MAPK6: variants seen among roughly 807,000 people sequenced by gnomAD.
The protein encoded by MAPK6 is ERK-3.
A neutral mutation model predicts 59.3 loss-of-function variants in MAPK6; 19 were observed. That is an observed-to-expected ratio of 0.32 (90% CI 0.22 to 0.47). The LOEUF (loss-of-function observed/expected upper bound fraction) is 0.47. Among genes scored for constraint, MAPK6 ranks in the 20% least tolerant of loss-of-function variants. The pLI is 1.00. For synonymous variants in MAPK6, 316 were observed against 290.3 expected (o/e 1.09, Z -0.90); for missense variants, 724 against 847.9 (o/e 0.85, Z 1.81).
chr15:52,045,199 A>T (rs1475703015), intron 1 of MAPK6, among the ~76,000 whole-genome samples: 2 of 152,166 alleles, frequency 1.3e-5, no homozygotes, highest in African/African-American at 4.8e-5. Flanking sequence ...CTATTGTGTG[A>T]AAGTTTGTTT....
intron 1 of MAPK6, among the ~76,000 whole-genome samples, chr15:51,973,261 T>C (rs2057144074): frequency 6.6e-6 from 1 of 151,976 alleles, no homozygotes; most frequent in Admixed American, 6.6e-5. Flanking sequence ...GAAAACTATC[T>C]GGAATACTGG....
At chr15:52,040,217 G>A (rs2141895252) in intron 1 of MAPK6, among the ~76,000 whole-genome samples, 1 of 152,342 alleles carries the variant, frequency 6.6e-6, no homozygotes, top group South Asian at 2.1e-4. Context: ...CTGTGCCAGG[G>A]TTAGGAGATA....
At chr15:52,007,898 G>A (rs1427995850) in intron 3 of MAPK6, among the ~76,000 whole-genome samples, 8 of 149,612 alleles carry the variant, frequency 5.3e-5, no homozygotes, top group Non-Finnish European at 1.0e-4. Context: ...CCAGGCTGGA[G>A]TGCAATGGTG....
chr15:52,048,118 A>G (rs1203277469), intron 2 of MAPK6, among the ~76,000 whole-genome samples: 2 of 152,048 alleles, frequency 1.3e-5, no homozygotes, highest in East Asian at 1.9e-4. Context: ...ATCTTCATAC[A>G]TGTTGTTTCA....
upstream of MAPK6, among the ~76,000 whole-genome samples, chr15:52,016,219 G>A (rs1306123179): frequency 4.0e-5 from 6 of 150,256 alleles, no homozygotes; most frequent in East Asian, 6.0e-4. Flanking sequence ...GTGAAACCCC[G>A]TCTCTACTAA....
intron 1 of MAPK6, among the ~76,000 whole-genome samples, chr15:52,038,680 A>G (rs185737845): frequency 4.7e-4 from 72 of 152,264 alleles, no homozygotes; most frequent in African/African-American, 1.7e-3. Context: ...CTCCTGTCCT[A>G]TATTTGCTCC....
At chr15:52,062,963 G>T (rs2032263064) in intron 5 of MAPK6, among the ~76,000 whole-genome samples, 1 of 152,268 alleles carries the variant, frequency 6.6e-6, no homozygotes, top group Non-Finnish European at 1.5e-5. Flanking sequence ...ATTTTAAGAA[G>T]AAATTTTTTT....
At chr15:52,057,959 T>C (rs1166634078) in intron 3 of MAPK6, among the ~76,000 whole-genome samples, 2 of 152,214 alleles carry the variant, frequency 1.3e-5, no homozygotes, top group Non-Finnish European at 2.9e-5. Context: ...TATTCTCAAG[T>C]GTCCTGCGCA....
chr15:51,990,196 C>G (rs76332886), intron 2 of MAPK6, among the ~76,000 whole-genome samples: 171 of 152,250 alleles, frequency 1.1e-3, no homozygotes, highest in Middle Eastern at 3.4e-3. Context: ...AAAGTGTTTA[C>G]TGTCTAATGA....
At chr15:52,063,286 C>A (rs1239601298) in intron 5 of MAPK6, among the ~76,000 whole-genome samples, 1 of 152,220 alleles carries the variant, frequency 6.6e-6, no homozygotes, top group Non-Finnish European at 1.5e-5. Context: ...TGGTTTCAAA[C>A]TCCTGACCTC....
chr15:52,062,921 GAAC>G (rs1473050695), intron 5 of MAPK6, among the ~76,000 whole-genome samples: 5 of 152,232 alleles, frequency 3.3e-5, no homozygotes, highest in African/African-American at 1.2e-4. Flanking sequence ...CCAAGTTTGG[GAAC>G]CACTAATGCC....
At chr15:51,973,137 A>G (rs189181841) in intron 1 of MAPK6, among the ~76,000 whole-genome samples, 41 of 151,986 alleles carry the variant, frequency 2.7e-4, no homozygotes, top group African/African-American at 9.9e-4. Flanking sequence ...ATATTTTTGT[A>G]GTAAACTTCA....
chr15:51,977,819 A>G (rs1199596581), intron 1 of MAPK6, among the ~76,000 whole-genome samples: 1 of 151,842 alleles, frequency 6.6e-6, no homozygotes, highest in Non-Finnish European at 1.5e-5. Context: ...TTATAGGAAC[A>G]AGACACCATA....
intron 1 of MAPK6, among the ~76,000 whole-genome samples, chr15:52,035,126 A>T (rs1264103742): frequency 6.6e-6 from 1 of 152,190 alleles, no homozygotes; most frequent in African/African-American, 2.4e-5. Context: ...GATTTTCCTT[A>T]TCTCTTGATT....
intron 2 of MAPK6, among the ~76,000 whole-genome samples, chr15:51,994,011 A>G (rs1322128565): frequency 6.6e-6 from 1 of 151,914 alleles, no homozygotes; most frequent in Non-Finnish European, 1.5e-5. Context: ...CCCAGGCTGG[A>G]GTGCAATGGC....
Position 52,025,427 on chromosome 15 carries a change from A to G in MAPK6, c.-632+6051A>G, listed in dbSNP as rs1481145053. ...TTCTGTGCTATCCAGTGAGGTAGCCATTGGCCATGTGTGACTGTTGAATAC... is the reference window on the plus strand; with the variant it reads ...TTCTGTGCTATCCAGTGAGGTAGCCGTTGGCCATGTGTGACTGTTGAATAC... On this transcript the variant is annotated intron_variant, in intron 1 of 5. Coordinates refer to ENST00000261845, the MANE Select transcript of MAPK6 (RefSeq NM_002748.4). Among the ~76,000 whole-genome samples the G allele has an allele frequency of 2.0e-5, 3 of 152,188 alleles. No homozygotes were observed. The South Asian group carries it at 6.2e-4, about 31-fold the overall frequency.
At chr15:52,016,052 T>TCG (rs376275284), upstream of MAPK6, among the ~76,000 whole-genome samples, 368 of 68,676 alleles carry the variant, frequency 5.4e-3, 5 homozygotes, top group African/African-American at 0.014. Context: ...CCAAACTCCA[T>TCG]CGCGCGCGCG....
At chr15:52,060,103 T>C (rs149799530) in intron 4 of MAPK6, among the ~76,000 whole-genome samples, 2 of 152,266 alleles carry the variant, frequency 1.3e-5, no homozygotes, top group African/African-American at 2.4e-5. Context: ...TTCAGCACCA[T>C]TGTAGCATTC....
In MAPK6 at chr15:52,046,674, C is replaced by G. The variant is rs140290030; in HGVS notation, c.214C>G (p.Leu72Val). 6.9e-5 allele frequency: 112 copies of G among 1,614,008 alleles called. No individual in the cohort carries two copies. Among genetic ancestry groups the G allele is most frequent in the Non-Finnish European group, 9.2e-5 (108 of 1,180,004 alleles). Reference sequence around the variant, plus strand: ...ACGTGAAATCAAAATTATTAGAAGACTTGACCATGATAACATTGTGAAAGT... The same window carrying G: ...ACGTGAAATCAAAATTATTAGAAGAGTTGACCATGATAACATTGTGAAAGT... ...ALREIKIIRR[L>V]DHDNIVKVFE... Residue 72 changes from leucine (L) to valine (V), a missense_variant, in exon 2 of 6, where the codon CTT (leucine) becomes GTT (valine). Leu to Val is a conservative substitution (Grantham distance 32, BLOSUM62 1). This residue lies in a region of MAPK6 where 87 missense variants were observed against 93.0 expected (regional missense o/e 0.93). Coordinates refer to ENST00000261845, the MANE Select transcript of MAPK6 (RefSeq NM_002748.4).
Sources: gnomAD v4.1 joint callset for allele counts (sites outside exome capture counted in the v4.1 genomes callset) on GRCh38, gnomAD v4.1.1 for gene constraint, gnomAD v4.1.1 regional missense constraint, MANE v1.5 for transcripts, NCBI Gene and HGNC (gene_info 2026-07-23, HGNC 2026-07-21) for gene names.